CCDC178: variants seen among roughly 807,000 people sequenced by gnomAD.
CCDC178 encodes coiled-coil domain containing 178.
Under a neutral mutation model 117.4 loss-of-function variants are expected in CCDC178, and 126 were observed. The observed-to-expected ratio is 1.07, with a 90% CI of 0.93 to 1.24. CCDC178 has a LOEUF of 1.24. Among genes scored for constraint, CCDC178 ranks in the 50% most tolerant of loss-of-function variants. The pLI, the probability that CCDC178 is intolerant of heterozygous loss-of-function variation, is 0.00. For synonymous variants in CCDC178, 283 were observed against 313.4 expected, an observed-to-expected ratio of 0.90 and a Z score of 1.02; for missense variants, 1,030 against 986.9, an observed-to-expected ratio of 1.04 and a Z score of -0.59.
At chr18:33,227,534 G>GTA (rs2059317473) in intron 15 of CCDC178, among the ~76,000 whole-genome samples, 3 of 52,480 alleles carry the variant, frequency 5.7e-5, no homozygotes, top group Admixed American at 2.8e-4. Context: ...ATATATGTAT[G>GTA]TGTGTGTGTG....
intron 21 of CCDC178, among the ~76,000 whole-genome samples, chr18:32,999,245 C>T (rs2055580997): frequency 6.6e-6 from 1 of 152,092 alleles, no homozygotes; most frequent in Admixed American, 6.5e-5. Flanking sequence ...GGGAGAGAAT[C>T]ATCTGCTTAT....
Position 33,226,802 on chromosome 18 carries a change from C to CGG in CCDC178, c.1646_1647insCC (p.Met549IlefsTer23), listed in dbSNP as rs2144636663. 4 of 1,582,684 alleles carry CGG rather than the reference C, an allele frequency of 2.5e-6. No homozygotes were observed. The highest frequency in any genetic ancestry group is 3.4e-6 in the Non-Finnish European group (4 of 1,161,104). ...ACCAAATCAGTATTACCTGAAGCAC[C>CGG]ATTCCAGCAGCCACTTCACCTTGAG... On this transcript the variant is annotated frameshift_variant, in exon 16 of 23. Transcript: ENST00000383096. LOFTEE classifies it high-confidence loss of function.
At chr18:33,427,584 A>G (rs895225621) in intron 2 of CCDC178, among the ~76,000 whole-genome samples, 13 of 152,246 alleles carry the variant, frequency 8.5e-5, no homozygotes, top group Non-Finnish European at 1.8e-4. Flanking sequence ...TCTGTATTAC[A>G]TCCAATAGAT....
intron 21 of CCDC178, among the ~76,000 whole-genome samples, chr18:32,980,084 TA>T (rs550097166): frequency 3.1e-4 from 47 of 152,204 alleles, no homozygotes; most frequent in African/African-American, 1.1e-3. Context: ...AACAATTTTT[TA>T]AAAAAACATG....
intron 15 of CCDC178, among the ~76,000 whole-genome samples, chr18:33,240,921 T>C (rs2059480005): frequency 6.6e-6 from 1 of 151,808 alleles, no homozygotes; most frequent in African/African-American, 2.4e-5. Context: ...CAGGCCAATA[T>C]GTATGAAAAT....
At chr18:32,946,432 T>C (rs560694306) in intron 22 of CCDC178, among the ~76,000 whole-genome samples, 2 of 152,336 alleles carry the variant, frequency 1.3e-5, no homozygotes, top group Non-Finnish European at 2.9e-5. Flanking sequence ...TCAAAATATT[T>C]AGACCTAAAA....
rs149556071 is a variant in CCDC178 at position 32,987,100 on chromosome 18, GA to G, written c.2389-12420del. ...AGGTAGAGAGAAAAAGGAAGCAGTA[GA>G]AAAAAATATAACAATTAAAAAACAA... On this transcript the variant is annotated intron_variant, in intron 21 of 22. Transcript: ENST00000383096. Among the ~76,000 whole-genome samples the G allele has an allele frequency of 8.1e-3, 1,220 of 151,440 alleles. 10 individuals carry two copies. Among genetic ancestry groups the G allele is most frequent in the Non-Finnish European group, 9.8e-3 (661 of 67,712 alleles).
At chr18:32,966,159 G>T (rs868400215) in intron 22 of CCDC178, among the ~76,000 whole-genome samples, 1 of 151,254 alleles carries the variant, frequency 6.6e-6, no homozygotes, top group African/African-American at 2.4e-5. Flanking sequence ...GTATATTTTG[G>T]ATATTTACTT....
At chr18:33,067,473 A>G (rs1399628838) in intron 21 of CCDC178, among the ~76,000 whole-genome samples, 2 of 152,208 alleles carry the variant, frequency 1.3e-5, no homozygotes, top group African/African-American at 2.4e-5. Context: ...AAAACAAACT[A>G]AACTCCAAAT....
intron 21 of CCDC178, among the ~76,000 whole-genome samples, chr18:33,053,233 A>AAT (rs2056774804): frequency 6.6e-6 from 1 of 151,986 alleles, no homozygotes; most frequent in Non-Finnish European, 1.5e-5. Context: ...TACACAGTCT[A>AAT]CCTACTGAGA....
chr18:33,387,524 T>C (rs1386794717), intron 5 of CCDC178, among the ~76,000 whole-genome samples: 4 of 151,940 alleles, frequency 2.6e-5, no homozygotes, highest in Admixed American at 6.6e-5. Context: ...CATAGACCAA[T>C]AGAAGTGAAT....
At chr18:33,204,008 A>G (rs929450459) in intron 20 of CCDC178, among the ~76,000 whole-genome samples, 1 of 152,234 alleles carries the variant, frequency 6.6e-6, no homozygotes, top group East Asian at 1.9e-4. Flanking sequence ...GTGGCTTCAG[A>G]GTTGACACTA....
intron 22 of CCDC178, among the ~76,000 whole-genome samples, chr18:32,938,949 A>T (rs2054178511): frequency 6.6e-6 from 1 of 152,136 alleles, no homozygotes; most frequent in African/African-American, 2.4e-5. Context: ...TTCTAAATGC[A>T]TGTTATAACT....
chr18:33,135,690 T>G (rs925375566), intron 20 of CCDC178, among the ~76,000 whole-genome samples: 1 of 152,190 alleles, frequency 6.6e-6, no homozygotes, highest in Non-Finnish European at 1.5e-5. Context: ...ACCAATGCTA[T>G]TGAATGAACT....
At chr18:33,370,022 A>C (rs1383311291) in intron 6 of CCDC178, 28 bp downstream of exon 6, 2 of 1,517,514 alleles carry the variant, frequency 1.3e-6, no homozygotes, top group Non-Finnish European at 8.8e-7. Context: ...GCTTACCAAA[A>C]TATCAGCATT....
At chr18:33,271,953 T>G (rs1196355894) in intron 12 of CCDC178, among the ~76,000 whole-genome samples, 6 of 151,454 alleles carry the variant, frequency 4.0e-5, no homozygotes, top group Admixed American at 2.0e-4. Flanking sequence ...ATTGCCTACA[T>G]TAAAGAAGTT....
At chr18:33,420,963 A>T (rs2064016760) in intron 2 of CCDC178, among the ~76,000 whole-genome samples, 1 of 152,212 alleles carries the variant, frequency 6.6e-6, no homozygotes, top group Non-Finnish European at 1.5e-5. Flanking sequence ...ATGATTTTGA[A>T]TATAAACATA....
At chr18:33,247,099 A>T (rs982584441) in intron 14 of CCDC178, among the ~76,000 whole-genome samples, 67 of 150,856 alleles carry the variant, frequency 4.4e-4, no homozygotes, top group African/African-American at 1.5e-3. Context: ...TGTGTGAGAG[A>T]GAGAGAGAGA....
At chr18:33,171,171 G>A (rs1199936665) in intron 20 of CCDC178, among the ~76,000 whole-genome samples, 1 of 152,124 alleles carries the variant, frequency 6.6e-6, no homozygotes, top group Non-Finnish European at 1.5e-5. Context: ...ATAAGCATGG[G>A]CCATAAAATA....
Sources: gnomAD v4.1 joint callset for allele counts (sites outside exome capture counted in the v4.1 genomes callset) on GRCh38, gnomAD v4.1.1 for gene constraint, MANE v1.5 for transcripts, NCBI Gene and HGNC (gene_info 2026-07-23, HGNC 2026-07-21) for gene names.